The following LRP1B variants were observed in gnomAD, a reference collection of about 807,000 sequenced individuals.
LRP1B encodes LDL receptor related protein 1B.
In LRP1B, 217 loss-of-function variants were observed where a neutral mutation model predicts 556.6. That is an observed-to-expected ratio of 0.39 (90% CI 0.35 to 0.44). The LOEUF is 0.44. Ranked by LOEUF, LRP1B falls within the 20% of genes least tolerant of loss-of-function variation. LRP1B has a pLI of 1.00. For synonymous variants in LRP1B, 2,047 were observed against 1,865.8 expected, an observed-to-expected ratio of 1.10 and a Z score of -2.50; for missense variants, 5,053 against 5,620.8, an observed-to-expected ratio of 0.90 and a Z score of 3.23.
intron 2 of LRP1B, among the ~76,000 whole-genome samples, chr2:141,644,785 AACAC>A (rs3039266): frequency 6.8e-6 from 1 of 147,830 alleles, no homozygotes; most frequent in South Asian, 2.1e-4. Context: ...ACACACACAC[AACAC>A]ACACACACAC....
chr2:140,745,717 C>T (rs964116203), intron 35 of LRP1B, among the ~76,000 whole-genome samples: 1 of 152,078 alleles, frequency 6.6e-6, no homozygotes, highest in African/African-American at 2.4e-5. Context: ...TCTTCACTTC[C>T]TACCCAATGT....
chr2:140,637,754 G>T (rs185427564), intron 41 of LRP1B, among the ~76,000 whole-genome samples: 1 of 152,148 alleles, frequency 6.6e-6, no homozygotes, highest in African/African-American at 2.4e-5. Context: ...GCTTTTGAAT[G>T]GCTCAATAGG....
intron 86 of LRP1B, among the ~76,000 whole-genome samples, chr2:140,255,780 A>C (rs1266447347): frequency 3.3e-5 from 5 of 152,220 alleles, no homozygotes; most frequent in African/African-American, 1.2e-4. Context: ...AGCATCATTC[A>C]TAAGAACATG....
chr2:141,285,445 ATTTTTTTTTCTTTTT>A (rs1211360410), intron 3 of LRP1B, among the ~76,000 whole-genome samples: 2 of 132,172 alleles, frequency 1.5e-5, no homozygotes, highest in African/African-American at 5.8e-5. Flanking sequence ...GGTGAGAATA[ATTTTTTTTTCTTTTT>A]TTTTTTTTTT....
chr2:141,348,707 C>T (rs1053877641), intron 3 of LRP1B, among the ~76,000 whole-genome samples: 1 of 151,858 alleles, frequency 6.6e-6, no homozygotes, highest in African/African-American at 2.4e-5. Context: ...TAGTGGTAAT[C>T]CATGAAGATT....
intron 2 of LRP1B, among the ~76,000 whole-genome samples, chr2:141,508,886 G>T (rs1177484176): frequency 6.6e-6 from 1 of 152,168 alleles, no homozygotes; most frequent in East Asian, 1.9e-4. Flanking sequence ...AAGATAATTT[G>T]TCCTGATATA....
intron 68 of LRP1B, among the ~76,000 whole-genome samples, chr2:140,376,411 G>A (rs1021095090): frequency 6.6e-6 from 1 of 152,058 alleles, no homozygotes; most frequent in African/African-American, 2.4e-5. Flanking sequence ...TTGGTTCAAC[G>A]TATTAAATAA....
chr2:141,834,846 T>C (rs920588288), intron 1 of LRP1B, among the ~76,000 whole-genome samples: 4 of 151,922 alleles, frequency 2.6e-5, no homozygotes, highest in Non-Finnish European at 4.4e-5. Flanking sequence ...TGTAGAATGA[T>C]AGTTCCATAA....
chr2:140,817,996 A>G (rs1691187484), intron 31 of LRP1B, among the ~76,000 whole-genome samples: 1 of 152,174 alleles, frequency 6.6e-6, no homozygotes, highest in Admixed American at 6.5e-5. Context: ...CCTGGGCCTC[A>G]GTATTTTTAA....
intron 2 of LRP1B, among the ~76,000 whole-genome samples, chr2:141,544,355 C>CTTTTCTTCTTCTTCTTCTT (rs1225373617): frequency 1.0e-5 from 1 of 95,904 alleles, no homozygotes; most frequent in African/African-American, 3.6e-5. Flanking sequence ...TCTTCTTCTT[C>CTTTTCTTCTTCTTCTTCTT]TTCTTCTTCT....
At chr2:141,557,153 G>T (rs970497225) in intron 2 of LRP1B, among the ~76,000 whole-genome samples, 2 of 151,668 alleles carry the variant, frequency 1.3e-5, no homozygotes, top group African/African-American at 4.8e-5. Flanking sequence ...CAGTAGAGAG[G>T]TTTTATTCTG....
chr2:141,273,739 C>A (rs892811261), intron 3 of LRP1B, among the ~76,000 whole-genome samples: 1 of 152,082 alleles, frequency 6.6e-6, no homozygotes, highest in East Asian at 1.9e-4. Context: ...TTGGACTTAA[C>A]AAAAGTATTT....
chr2:142,058,269 A>G (rs1351260765), intron 1 of LRP1B, among the ~76,000 whole-genome samples: 5 of 152,066 alleles, frequency 3.3e-5, no homozygotes, highest in Non-Finnish European at 7.4e-5. Context: ...ATTTGCACTT[A>G]AAGTGGTATA....
intron 3 of LRP1B, among the ~76,000 whole-genome samples, chr2:141,471,293 T>A (rs1177063521): frequency 6.2e-5 from 5 of 80,114 alleles, no homozygotes; most frequent in African/African-American, 2.1e-4. Context: ...TTTTTTTTTT[T>A]TACTCTCTTG....
chr2:140,553,530 C>G (rs1558963767), intron 43 of LRP1B, among the ~76,000 whole-genome samples: 2 of 151,928 alleles, frequency 1.3e-5, no homozygotes, highest in African/African-American at 4.8e-5. Flanking sequence ...GAAATCAACC[C>G]TCTAGATAAC....
chr2:141,050,697 A>T (rs1293307693), intron 10 of LRP1B, among the ~76,000 whole-genome samples: 1 of 152,162 alleles, frequency 6.6e-6, no homozygotes, highest in African/African-American at 2.4e-5. Context: ...AAACCTAGGG[A>T]ATACCATTCA....
In LRP1B at chr2:140,371,767, A is replaced by G. The variant is rs372645370; in HGVS notation, c.10769-482T>C. Among the ~76,000 whole-genome samples the G allele has an allele frequency of 4.6e-5, 7 of 152,134 alleles. No homozygotes were observed. The South Asian group carries it at 1.0e-3, about 23-fold the overall frequency. ...TCAAAATCTTGGCATGGTCTCACAGACCCAATAATATCTATTTGGTTGCAT... is the reference window on the plus strand; with the variant it reads ...TCAAAATCTTGGCATGGTCTCACAGGCCCAATAATATCTATTTGGTTGCAT... On this transcript the variant is annotated intron_variant, in intron 69 of 90. Transcript: ENST00000389484.
At chr2:141,472,589 T>C (rs13432585) in intron 3 of LRP1B, among the ~76,000 whole-genome samples, 62,197 of 151,980 alleles carry the variant, frequency 0.41, 13,266 homozygotes, top group East Asian at 0.66. Context: ...AAATAGAGTA[T>C]ATTGCAGCAA....
chr2:141,761,845 G>C (rs541757573), intron 2 of LRP1B, among the ~76,000 whole-genome samples: 1 of 152,144 alleles, frequency 6.6e-6, no homozygotes, highest in Non-Finnish European at 1.5e-5. Flanking sequence ...TTTGCACTGT[G>C]TATGACATCT....
Sources: allele counts gnomAD v4.1 joint callset (sites outside exome capture counted in the v4.1 genomes callset), GRCh38; gene constraint gnomAD v4.1.1; transcripts MANE v1.5; gene names NCBI Gene and HGNC (gene_info 2026-07-23, HGNC 2026-07-21).